XKR7: variants seen among roughly 807,000 people sequenced by gnomAD.
XKR7 encodes the protein XK-related protein 7.
XKR7 carries 11 observed loss-of-function variants against 42.2 expected under a neutral mutation model. The observed-to-expected ratio is 0.26, with a 90% CI of 0.16 to 0.43. The LOEUF (loss-of-function observed/expected upper bound fraction) is 0.43. XKR7 is among the 20% of genes least tolerant of loss of function. The probability of loss-of-function intolerance (pLI) is 1.00; values close to 1 mark genes in which losing one functional copy is unlikely to be tolerated. For synonymous variants in XKR7, 346 were observed against 366.4 expected (o/e 0.94, Z 0.64); for missense variants, 710 against 802.2 (o/e 0.89, Z 1.39).
chr20:31,985,210 T>C (rs544508885), intron 1 of XKR7, among the ~76,000 whole-genome samples: 2 of 152,186 alleles, frequency 1.3e-5, no homozygotes, highest in East Asian at 1.9e-4. Context: ...TCTGTAGGGA[T>C]CTGCAGACCC....
At chr20:31,994,967 G>A (rs2064584001) in intron 1 of XKR7, 101 bp from the exon 2 acceptor site, 2 of 1,500,216 alleles carry the variant, frequency 1.3e-6, no homozygotes, top group South Asian at 1.3e-5. Context: ...GCTCAGCGTA[G>A]GGAGTGACTT....
rs60835202 is a variant in XKR7, at chr20:31,981,362, C to T, written c.584+12603C>T. ...CTGCACTCCAGCTTGGGCAACAGAGCAAGACCCTGTCTCAAAAACAACAAC... is the reference window on the plus strand; with the variant it reads ...CTGCACTCCAGCTTGGGCAACAGAGTAAGACCCTGTCTCAAAAACAACAAC... On this transcript the variant is annotated intron_variant, in intron 1 of 2. Coordinates refer to ENST00000562532, the MANE Select transcript of XKR7 (RefSeq NM_001011718.2). Among the ~76,000 whole-genome samples, 1,484 of 151,756 alleles carry T rather than the reference C, an allele frequency of 9.8e-3. 22 individuals carry two copies. Among genetic ancestry groups the T allele is most frequent in the African/African-American group, 0.034 (1,393 of 41,356 alleles).
Position 31,996,494 on chromosome 20 carries a change from T to G in XKR7, c.788-11T>G, listed in dbSNP as rs1382131664. 3 of 114,428 alleles carry G rather than the reference T, an allele frequency of 2.6e-5. No homozygotes were observed. Among genetic ancestry groups the G allele is most frequent in the Non-Finnish European group, 2.4e-5 (2 of 83,286 alleles). 7.1% of individuals were successfully genotyped at this position (114,428 alleles called of 1,614,324 possible). ...AACCCAGCCCACCCCGCCCCTGCCCTGTCTCCACAGCCCTCTCCACCTCCG... is the reference window on the plus strand; with the variant it reads ...AACCCAGCCCACCCCGCCCCTGCCCGGTCTCCACAGCCCTCTCCACCTCCG... On this transcript the variant is annotated splice_polypyrimidine_tract_variant and intron_variant, in intron 2 of 2. Coordinates refer to ENST00000562532, the MANE Select transcript of XKR7 (RefSeq NM_001011718.2).
In XKR7 at chr20:32,001,218, AC is replaced by A. The variant is rs1438289777; in HGVS notation, c.*3762del. On this transcript the variant is annotated 3_prime_UTR_variant, in exon 3 of 3. Coordinates refer to ENST00000562532, the MANE Select transcript of XKR7 (RefSeq NM_001011718.2). ...GACAATAGGGAGAAGGTTTTCTGGG[AC>A]GAAGGCTGCATGGGATGCAAACTCA... 6.6e-6 allele frequency: 1 copy of A among 152,258 alleles called. No homozygotes were observed. Among genetic ancestry groups the A allele is most frequent in the Non-Finnish European group, 1.5e-5 (1 of 68,048 alleles). 9.4% of individuals were successfully genotyped at this position (152,258 alleles called of 1,614,324 possible).
intron 1 of XKR7, among the ~76,000 whole-genome samples, chr20:31,987,297 C>T (rs1284346918): frequency 1.0e-4 from 15 of 148,074 alleles, no homozygotes; most frequent in Non-Finnish European, 7.4e-5. Context: ...GACAGACAGA[C>T]CACCAAACAG....
chr20:31,969,487 C>T (rs2064454273), intron 1 of XKR7, among the ~76,000 whole-genome samples: 1 of 152,236 alleles, frequency 6.6e-6, no homozygotes, highest in African/African-American at 2.4e-5. Context: ...AAGCTGCCCA[C>T]TTTCAGTCTT....
chr20:31,988,504 C>G (rs1004017336), intron 1 of XKR7, among the ~76,000 whole-genome samples: 5 of 152,184 alleles, frequency 3.3e-5, no homozygotes, highest in African/African-American at 1.2e-4. Context: ...TTTGCTCCCA[C>G]TTGTACACTT....
chr20:31,995,261 C>T lies in XKR7; in HGVS notation c.778C>T (p.Leu260=), dbSNP rs1195532418. 7 of 1,536,696 alleles carry T rather than the reference C, an allele frequency of 4.6e-6. No homozygotes were observed. The highest frequency in any genetic ancestry group is 3.5e-6 in the Non-Finnish European group (4 of 1,146,126). The change falls in exon 2 of 3, where the codon CTG becomes TTG. Residue 260 remains leucine (L), a synonymous_variant. Transcript: ENST00000562532. The surrounding 1 kb of genome is among the most constrained non-coding windows in gnomAD (Gnocchi z 4.1). The part of the protein sequence containing the change: ...LLVHRGGAPD[L]LPALSTSASL... ...GGTGCACCGCGGTGGCGCGCCCGAC[C>T]TGCTGCCGGGTGAGCCCGCCCCTTC...
intron 1 of XKR7, among the ~76,000 whole-genome samples, chr20:31,977,608 T>C (rs932614188): frequency 1.3e-5 from 2 of 152,202 alleles, no homozygotes; most frequent in Non-Finnish European, 2.9e-5. Flanking sequence ...ACTATTATTA[T>C]TGGCCCAAGT....
Position 31,978,398 on chromosome 20 carries a change from C to A in XKR7, c.584+9639C>A, listed in dbSNP as rs1029555266. 2.0e-5 allele frequency among the ~76,000 whole-genome samples: 3 copies of A among 152,260 alleles called. No individual in the cohort carries two copies. The East Asian group carries it at 5.8e-4, about 29-fold the overall frequency. On this transcript the variant is annotated intron_variant, in intron 1 of 2. Coordinates refer to ENST00000562532, the MANE Select transcript of XKR7 (RefSeq NM_001011718.2). ...GTGCTGGGATTGCAGGCGTGAGCCA[C>A]TGTGCTGGTTCTTCTCTTACTTTTT...
Position 31,968,295 on chromosome 20 carries a change from G to A in XKR7, c.120G>A (p.Pro40=), listed in dbSNP as rs753031882. The part of the protein sequence containing the change: ...RGEAAAAAGP[P]GVVGAGGPGP... ...AGGCGGCGGCGGCGGCCGGGCCCCC[G>A]GGGGTCGTCGGGGCGGGCGGCCCGG... The change falls in exon 1 of 3, where the codon CCG becomes CCA. Residue 40 remains proline (P), a synonymous_variant. Coordinates refer to ENST00000562532, the MANE Select transcript of XKR7 (RefSeq NM_001011718.2). This position sits in a 1 kb window ranked among gnomAD's most constrained non-coding sequence, Gnocchi z 4.5. The A allele has an allele frequency of 6.5e-6, 8 of 1,234,972 alleles. 1 individual carries two copies. In the East Asian group the frequency reaches 2.5e-4, roughly 39 times the overall value. 76.5% of individuals were successfully genotyped at this position (1,234,972 alleles called of 1,614,324 possible).
At chr20:31,970,539 G>A (rs1371369377) in intron 1 of XKR7, 1 of 152,168 alleles carries the variant, frequency 6.6e-6, no homozygotes, top group Non-Finnish European at 1.5e-5. Context: ...GAGGAGGCTG[G>A]GATGAGATAA....
intron 1 of XKR7, among the ~76,000 whole-genome samples, chr20:31,976,116 A>C (rs2064483497): frequency 6.6e-6 from 1 of 152,260 alleles, no homozygotes; most frequent in African/African-American, 2.4e-5. Flanking sequence ...TGTGCTCTGC[A>C]CAGTACTCAG....
rs755817742 is a variant in XKR7, at chr20:31,997,257, C to G, written c.1540C>G (p.Arg514Gly). 1.2e-5 allele frequency: 20 copies of G among 1,612,042 alleles called. No individual in the cohort carries two copies. The South Asian group carries it at 2.1e-4, about 17-fold the overall frequency. The change falls in exon 3 of 3, where the codon CGC becomes GGC. Residue 514 changes from arginine (R) to glycine (G), a missense_variant. Arg to Gly is a moderately radical substitution (Grantham distance 125). This residue lies in a region of XKR7 where 708 missense variants were observed against 786.2 expected (regional missense o/e 0.90). Coordinates refer to ENST00000562532, the MANE Select transcript of XKR7 (RefSeq NM_001011718.2). The part of the protein sequence containing the change: ...RPGLPPTPVA[R>G]TLRTEGPVIR... ...TGGCTTGCCTCCCACACCAGTGGCC[C>G]GCACCTTGCGGACAGAGGGGCCTGT...
chr20:31,993,655 T>C (rs186358181), intron 1 of XKR7, among the ~76,000 whole-genome samples: 51 of 152,334 alleles, frequency 3.3e-4, no homozygotes, highest in Admixed American at 2.5e-3. Flanking sequence ...TACTGTGTGC[T>C]AAGAACTGAG....
In XKR7 at chr20:31,968,715, G is replaced by T; in HGVS notation, c.540G>T (p.Leu180=). ...GCTGCTGCCGCCTCTGCATCTGGCT[G>T]CTGCAGACCCTCGTCCACCTCCTGC... ...RRRCCRLCIW[L]LQTLVHLLQL... The change falls in exon 1 of 3, where the codon CTG becomes CTT. Residue 180 remains leucine (L), a synonymous_variant. Transcript: ENST00000562532. The surrounding 1 kb of genome is among the most constrained non-coding windows in gnomAD (Gnocchi z 4.5). 6.4e-7 allele frequency: 1 copy of T among 1,562,234 alleles called. No homozygotes were observed. The highest frequency in any genetic ancestry group is 8.6e-7 in the Non-Finnish European group (1 of 1,162,346).
chr20:31,979,821 AG>A (rs2064502984), intron 1 of XKR7, among the ~76,000 whole-genome samples: 1 of 152,148 alleles, frequency 6.6e-6, no homozygotes, highest in East Asian at 1.9e-4. Flanking sequence ...AAAGAGAGAA[AG>A]GGGGAACAAA....
intron 1 of XKR7, among the ~76,000 whole-genome samples, chr20:31,969,349 CT>C (rs1337960676): frequency 1.3e-5 from 2 of 152,350 alleles, no homozygotes; most frequent in African/African-American, 4.8e-5. Flanking sequence ...CTATGACCCC[CT>C]CTCCCCCAGC....
At chr20:31,984,401 C>T (rs1428778916) in intron 1 of XKR7, among the ~76,000 whole-genome samples, 2 of 152,142 alleles carry the variant, frequency 1.3e-5, no homozygotes, top group Non-Finnish European at 2.9e-5. Flanking sequence ...AATGAGGTGG[C>T]TTGGACCAGG....
Sources: allele counts gnomAD v4.1 joint callset (sites outside exome capture counted in the v4.1 genomes callset), GRCh38; gene constraint gnomAD v4.1.1; regional missense constraint gnomAD v4.1.1; non-coding constraint Gnocchi (gnomAD v3.1); transcripts MANE v1.5; gene names NCBI Gene and HGNC (gene_info 2026-07-23, HGNC 2026-07-21).